Variants in RCL1 observed in about 807,000 individuals in gnomAD.
The protein encoded by RCL1 is RNA 3'-terminal phosphate cyclase-like protein.
In RCL1, 24 loss-of-function variants were observed where a neutral mutation model predicts 42.4. The ratio of observed to expected loss-of-function variants is 0.57; its 90% CI spans 0.41 to 0.80. The LOEUF (loss-of-function observed/expected upper bound fraction) is 0.80. Ranked by LOEUF, RCL1 falls within the 30% of genes least tolerant of loss-of-function variation. The pLI is 0.00. For missense variants in RCL1, 578 were observed against 467.9 expected, an observed-to-expected ratio of 1.24 and a Z score of -2.17; for synonymous variants, 228 against 177.3, an observed-to-expected ratio of 1.29 and a Z score of -2.27.
At chr9:4,853,049 T>G (rs140985397) in intron 8 of RCL1, among the ~76,000 whole-genome samples, 7 of 152,326 alleles carry the variant, frequency 4.6e-5, no homozygotes, top group Non-Finnish European at 8.8e-5. Context: ...ATCTTATTGA[T>G]CCTAAGAATT....
chr9:4,798,575 A>G (rs1452536095), intron 1 of RCL1, among the ~76,000 whole-genome samples: 2 of 152,272 alleles, frequency 1.3e-5, no homozygotes, highest in South Asian at 2.1e-4. Context: ...CTGAGGAAGC[A>G]TGCCACAAAG....
chr9:4,839,599 C>G (rs1817246207), intron 5 of RCL1: 1 of 917,496 alleles, frequency 1.1e-6, no homozygotes, highest in Non-Finnish European at 1.3e-6. Flanking sequence ...TCTAAGCTGT[C>G]TGTGGTCAAA....
At chr9:4,811,095 A>G (rs1816157148) in intron 1 of RCL1, among the ~76,000 whole-genome samples, 2 of 152,096 alleles carry the variant, frequency 1.3e-5, no homozygotes, top group African/African-American at 4.8e-5. Context: ...CCTGGGCAAC[A>G]TAGCAGACCC....
At chr9:4,836,415 G>C in intron 5 of RCL1, among the ~76,000 whole-genome samples, 1 of 152,204 alleles carries the variant, frequency 6.6e-6, no homozygotes, top group East Asian at 1.9e-4. Context: ...AACTTTAACA[G>C]GCTTAAAGAT....
At chr9:4,824,938 G>C (rs1262864329) in intron 2 of RCL1, among the ~76,000 whole-genome samples, 1 of 152,188 alleles carries the variant, frequency 6.6e-6, no homozygotes, top group African/African-American at 2.4e-5. Flanking sequence ...GTGAGACGGA[G>C]TCTTGTTCCG....
chr9:4,856,312 C>G (rs1203421366), intron 8 of RCL1, among the ~76,000 whole-genome samples: 1 of 152,200 alleles, frequency 6.6e-6, no homozygotes, highest in East Asian at 1.9e-4. Context: ...AGCTGACTTC[C>G]CTTAATTGCC....
At chr9:4,799,743 G>C (rs992979143) in intron 1 of RCL1, among the ~76,000 whole-genome samples, 1 of 152,140 alleles carries the variant, frequency 6.6e-6, no homozygotes, top group Non-Finnish European at 1.5e-5. Flanking sequence ...GAAGGGCCTT[G>C]AATGAGTCCT....
chr9:4,817,963 T>G (rs1014346633), intron 1 of RCL1, among the ~76,000 whole-genome samples: 3 of 139,068 alleles, frequency 2.2e-5, no homozygotes, highest in African/African-American at 8.0e-5. Context: ...TTTTGTTGCC[T>G]GGGCTGGAGT....
intron 8 of RCL1, among the ~76,000 whole-genome samples, chr9:4,851,983 G>C (rs564551658): frequency 6.6e-6 from 1 of 150,796 alleles, no homozygotes; most frequent in Admixed American, 6.6e-5. Context: ...CGGGTTCAAC[G>C]CCATTCTCCT....
chr9:4,860,235 T>A lies in RCL1; in HGVS notation c.1082T>A (p.Val361Asp). The change falls in exon 9 of 9, where the codon GTT (valine) becomes GAT (aspartate). Residue 361 changes from valine (V) to aspartate (D), a missense_variant. Physicochemically the swap from Val to Asp is radical, Grantham distance 152. Coordinates refer to ENST00000381750, the MANE Select transcript of RCL1 (RefSeq NM_005772.5). ...KGGDKVLMTC[V>D]GIGFSNLSKT... ...GGGGATAAAGTGCTGATGACCTGTG[T>A]TGGCATTGGTTTCTCCAACCTTAGC... The A allele has an allele frequency of 1.9e-6, 3 of 1,613,838 alleles. No individual in the cohort carries two copies. The East Asian group carries it at 6.7e-5, about 36-fold the overall frequency.
chr9:4,814,021 C>T (rs1816279526), intron 1 of RCL1, among the ~76,000 whole-genome samples: 1 of 152,066 alleles, frequency 6.6e-6, no homozygotes, highest in South Asian at 2.1e-4. Context: ...GGGAACTTCA[C>T]ACACCGGGGC....
intron 8 of RCL1, among the ~76,000 whole-genome samples, chr9:4,850,871 C>T (rs1200541314): frequency 6.6e-6 from 1 of 152,052 alleles, no homozygotes; most frequent in African/African-American, 2.4e-5. Context: ...CTCGTAGCTG[C>T]CGTTTCCCAG....
intron 5 of RCL1, among the ~76,000 whole-genome samples, chr9:4,840,580 T>C (rs1817284053): frequency 6.6e-6 from 1 of 152,226 alleles, no homozygotes; most frequent in Non-Finnish European, 1.5e-5. Flanking sequence ...ATCAATATTT[T>C]AACCATAAGG....
chr9:4,860,201 C>G lies in RCL1; in HGVS notation c.1048C>G (p.Leu350Val), dbSNP rs374507185. Residue 350 changes from leucine (L) to valine (V), a missense_variant, in exon 9 of 9, where the codon CTC becomes GTC. Transcript: ENST00000381750. ...KIETKPCGEELKGGDKVLMTC... is the reference protein window; with the variant it reads ...KIETKPCGEEVKGGDKVLMTC... The stretch of plus-strand genomic sequence containing the variant: ...TGAAACCAAGCCATGTGGTGAAGAA[C>G]TCAAGGGTGGGGATAAAGTGCTGAT... 6.2e-7 allele frequency: 1 copy of G among 1,612,906 alleles called. No individual in the cohort carries two copies. The highest frequency in any genetic ancestry group is 8.5e-7 in the Non-Finnish European group (1 of 1,179,622).
chr9:4,830,760 C>T (rs1022192989), intron 3 of RCL1, among the ~76,000 whole-genome samples: 1 of 152,174 alleles, frequency 6.6e-6, no homozygotes, highest in Non-Finnish European at 1.5e-5. Flanking sequence ...GTGTTTCAGA[C>T]AAGGTAACTG....
At chr9:4,847,898 C>G (rs948775446) in intron 7 of RCL1, among the ~76,000 whole-genome samples, 1 of 152,212 alleles carries the variant, frequency 6.6e-6, no homozygotes, top group African/African-American at 2.4e-5. Context: ...CCCTGCTCAT[C>G]TCTCAAGGGC....
chr9:4,847,402 A>G (rs142496487), intron 7 of RCL1, among the ~76,000 whole-genome samples: 80 of 152,256 alleles, frequency 5.3e-4, no homozygotes, highest in Non-Finnish European at 9.0e-4. Context: ...TGAAGGTGCT[A>G]TTTATCAAGT....
In RCL1 at chr9:4,802,033, C is replaced by G. The variant is rs369220911; in HGVS notation, c.136+8806C>G. Among the ~76,000 whole-genome samples, 5 of 151,568 alleles carry G rather than the reference C, an allele frequency of 3.3e-5. No individual in the cohort carries two copies. In the East Asian group the frequency reaches 5.8e-4, roughly 18 times the overall value. On this transcript the variant is annotated intron_variant, in intron 1 of 8. Coordinates refer to ENST00000381750, the MANE Select transcript of RCL1 (RefSeq NM_005772.5). ...CAGCGATTCTCCTGTCTCAGTCTCC[C>G]GAGCATCTGGGATTATAGGTGTGTG...
At chr9:4,828,666 A>G (rs1022860555) in intron 3 of RCL1, among the ~76,000 whole-genome samples, 5 of 152,156 alleles carry the variant, frequency 3.3e-5, no homozygotes, top group East Asian at 1.9e-4. Context: ...ACAGTGGGAA[A>G]AGGCCCTGAA....
Sources: gnomAD v4.1 joint callset for allele counts (sites outside exome capture counted in the v4.1 genomes callset) on GRCh38, gnomAD v4.1.1 for gene constraint, MANE v1.5 for transcripts, NCBI Gene and HGNC (gene_info 2026-07-23, HGNC 2026-07-21) for gene names.